PLCH2: variants seen among roughly 807,000 people sequenced by gnomAD.
PLCH2 encodes phospholipase C eta 2.
A neutral mutation model predicts 134.7 loss-of-function variants in PLCH2; 98 were observed. The observed-to-expected ratio is 0.73, with a 90% CI of 0.62 to 0.86. The LOEUF (loss-of-function observed/expected upper bound fraction) is 0.86. Ranked by LOEUF, PLCH2 falls within the 40% of genes least tolerant of loss-of-function variation. The probability of loss-of-function intolerance (pLI) is 0.00; values close to 1 mark genes in which losing one functional copy is unlikely to be tolerated. For synonymous variants in PLCH2, 974 were observed against 827.5 expected (o/e 1.18, Z -3.04); for missense variants, 1,994 against 1,986.6 (o/e 1.00, Z -0.07).
chr1:2,499,685 T>C lies in PLCH2; in HGVS notation c.2626T>C (p.Phe876Leu). 6.3e-7 allele frequency: 1 copy of C among 1,598,964 alleles called. No individual in the cohort carries two copies. Among genetic ancestry groups the C allele is most frequent in the Non-Finnish European group, 8.5e-7 (1 of 1,173,374 alleles). ...AGAAGGGATGGAAGAGGCCTCCATC[T>C]TCGTGCATGTGGCTGTCAGTGACAT... ...YLEGMEEASI[F>L]VHVAVSDISG... The change falls in exon 20 of 22, where the codon TTC becomes CTC. Residue 876 changes from phenylalanine (F) to leucine (L), a missense_variant. Around this residue, in one of 2 missense-constraint regions of PLCH2, gnomAD observed 1,094 missense variants for 1,234.3 expected, o/e 0.89. Transcript: ENST00000378486.
Position 2,476,399 on chromosome 1 carries a change from C to T in PLCH2, c.-190C>T. 1.8e-6 allele frequency: 1 copy of T among 553,362 alleles called. No homozygotes were observed. The highest frequency in any genetic ancestry group is 3.6e-5 in the Admixed American group (1 of 27,774). The allele number at this position is 553,362 out of a possible 1,614,324, so 34.3% of individuals were successfully genotyped here. ...ATCAGGACAGCAGGTGACGGTCAGG[C>T]CAATGCCAGCCGGGCCTGGGCACAG... On this transcript the variant is annotated 5_prime_UTR_variant, in exon 1 of 22. Transcript: ENST00000378486.
upstream of PLCH2, among the ~76,000 whole-genome samples, chr1:2,472,113 T>A (rs988045072): frequency 1.3e-5 from 2 of 152,194 alleles, no homozygotes; most frequent in African/African-American, 4.8e-5. Context: ...ACGACCACTC[T>A]GGGGTCCTGC....
At chr1:2,472,452 G>A (rs768785098), upstream of PLCH2, among the ~76,000 whole-genome samples, 3 of 152,198 alleles carry the variant, frequency 2.0e-5, no homozygotes, top group South Asian at 2.1e-4. Context: ...GCAGGGGGGC[G>A]CGGAAGAGCC....
intron 4 of PLCH2, among the ~76,000 whole-genome samples, chr1:2,482,385 G>A (rs971927408): frequency 1.3e-5 from 2 of 152,222 alleles, no homozygotes; most frequent in African/African-American, 4.8e-5. Flanking sequence ...TTGAGCTGCA[G>A]TGTGTCCCCT....
At chr1:2,465,893 C>T (rs567273573), upstream of PLCH2, among the ~76,000 whole-genome samples, 25 of 152,262 alleles carry the variant, frequency 1.6e-4, no homozygotes, top group African/African-American at 5.1e-4. Flanking sequence ...ACCTGCAGCC[C>T]GCACACCCCT....
rs554360045 is a variant in PLCH2 at position 2,477,318 on chromosome 1, C to A, written c.124+606C>A. ...TCCTAAATCCCTGCAGCCATACCTG[C>A]GTCTTCACCTCCCATGTGCCCCGGA... On this transcript the variant is annotated intron_variant, in intron 1 of 21. Coordinates refer to ENST00000378486, the MANE Select transcript of PLCH2 (RefSeq NM_014638.4). Among the ~76,000 whole-genome samples the A allele has an allele frequency of 4.6e-5, 7 of 152,284 alleles. No homozygotes were observed. The East Asian group carries it at 1.4e-3, about 29-fold the overall frequency.
chr1:2,486,095 C>A (rs1182802768), intron 5 of PLCH2, among the ~76,000 whole-genome samples: 2 of 152,186 alleles, frequency 1.3e-5, no homozygotes, highest in African/African-American at 4.8e-5. Context: ...CTGTGGGTGA[C>A]CTGGCTGCAG....
rs1643413612 is a variant in PLCH2, at chr1:2,504,357, A to G, written c.3395A>G (p.Gln1132Arg). ...GCCACGGGCAGTGACCCGCTGTGGC[A>G]GCGGCTGGAGCCATGTGGCCACCGA... Reference protein sequence around the residue: ...SDATGSDPLWQRLEPCGHRDS... With the variant: ...SDATGSDPLWRRLEPCGHRDS... Residue 1132 changes from glutamine to arginine, a missense_variant, in exon 22 of 22, where the codon CAG becomes CGG. By Grantham distance (43) the Gln-to-Arg change is conservative. This residue lies in a region of PLCH2 where 900 missense variants were observed against 752.3 expected (regional missense o/e 1.20). Transcript: ENST00000378486. The G allele has an allele frequency of 6.2e-7, 1 of 1,609,706 alleles. No individual in the cohort carries two copies. Among genetic ancestry groups the G allele is most frequent in the Non-Finnish European group, 8.5e-7 (1 of 1,179,386 alleles).
intron 21 of PLCH2, chr1:2,503,474 T>C: frequency 1.6e-6 from 1 of 616,218 alleles, no homozygotes; most frequent in East Asian, 2.8e-5. Context: ...GCTTCGCTGC[T>C]TTGGGCTGAA....
chr1:2,504,518 T>A lies in PLCH2; in HGVS notation c.3556T>A (p.Ser1186Thr). ...HMGRLPPRPH[S>T]ASAARPDLPP... is the part of the protein sequence containing the mutation. ...GGGACGCCTGCCCCCCAGGCCCCAC[T>A]CGGCTTCGGCTGCCCGCCCAGACCT... Residue 1186 changes from serine (S) to threonine (T), a missense_variant, in exon 22 of 22, where the codon TCG becomes ACG. By Grantham distance (58) the Ser-to-Thr change is moderately conservative. Around this residue, in one of 2 missense-constraint regions of PLCH2, gnomAD observed 900 missense variants for 752.3 expected, o/e 1.20. Coordinates refer to ENST00000378486, the MANE Select transcript of PLCH2 (RefSeq NM_014638.4). 4 of 1,612,276 alleles carry A rather than the reference T, an allele frequency of 2.5e-6. No homozygotes were observed. Among genetic ancestry groups the A allele is most frequent in the Non-Finnish European group, 3.4e-6 (4 of 1,179,636 alleles).
intron 21 of PLCH2, 95 bp downstream of exon 21, chr1:2,502,504 A>G (rs369295379): frequency 8.1e-7 from 1 of 1,241,086 alleles, no homozygotes; most frequent in Non-Finnish European, 1.2e-6. Flanking sequence ...TGGCCGCCAC[A>G]TGCATGAAGT....
Position 2,476,360 on chromosome 1 carries a change from C to A in PLCH2, c.-229C>A. ...TTGGTGGCCCTGGAGGGTGGATAGG[C>A]TGGCCTGGGGGCCATCAGGACAGCA... On this transcript the variant is annotated 5_prime_UTR_variant, in exon 1 of 22. It adds an upstream start codon to the 5' untranslated region. Transcript: ENST00000378486. 1 of 447,234 alleles carries A rather than the reference C, an allele frequency of 2.2e-6. No individual in the cohort carries two copies. Among genetic ancestry groups the A allele is most frequent in the Non-Finnish European group, 3.9e-6 (1 of 254,974 alleles). The allele number at this position is 447,234 out of a possible 1,614,324, so 27.7% of individuals were successfully genotyped here.
chr1:2,470,688 A>T (rs1641283035), intron 1 of PLCH2, among the ~76,000 whole-genome samples: 1 of 152,146 alleles, frequency 6.6e-6, no homozygotes, highest in Non-Finnish European at 1.5e-5. Flanking sequence ...GGCTGGGGGC[A>T]GGGCTGGCTC....
chr1:2,504,251 G>A lies in PLCH2; in HGVS notation c.3289G>A (p.Glu1097Lys). ...GCCCGTGATTAGAAGGGTGAAGAGT[G>A]AGGGGCAGGTGCCCACGGAGCCCCT... ...HLPVIRRVKS[E>K]GQVPTEPLGG... The change falls in exon 22 of 22, where the codon GAG (glutamate) becomes AAG (lysine). Residue 1097 changes from glutamate (E) to lysine (K), a missense_variant. By Grantham distance (56) the Glu-to-Lys change is moderately conservative. Transcript: ENST00000378486. 6.3e-7 allele frequency: 1 copy of A among 1,589,214 alleles called. No homozygotes were observed. Among genetic ancestry groups the A allele is most frequent in the South Asian group, 1.1e-5 (1 of 88,456 alleles).
chr1:2,416,752 A>G, the PLCH2 span, among the ~76,000 whole-genome samples: 3 of 152,212 alleles, frequency 2.0e-5, no homozygotes, highest in Non-Finnish European at 4.4e-5. Flanking sequence ...AGGTTAGGAC[A>G]GGGGTGCAGA....
At chr1:2,419,489 G>A in the PLCH2 span, among the ~76,000 whole-genome samples, 4 of 152,134 alleles carry the variant, frequency 2.6e-5, no homozygotes, top group African/African-American at 9.7e-5. Flanking sequence ...TGGTCGGGGG[G>A]GTTTTCCACT....
At chr1:2,483,984 TGGGGGG>T (rs1249619650) in intron 4 of PLCH2, among the ~76,000 whole-genome samples, 1 of 63,764 alleles carries the variant, frequency 1.6e-5, no homozygotes, top group African/African-American at 7.3e-5. Flanking sequence ...GACTCCCGTG[TGGGGGG>T]GCGCTGACTC....
rs1391173468 is a variant in PLCH2 at position 2,497,617 on chromosome 1, ACTCGGACACTCAGGG to A, written c.2224+16_2224+30del. 4 of 1,535,306 alleles carry A rather than the reference ACTCGGACACTCAGGG, an allele frequency of 2.6e-6. No individual in the cohort carries two copies. Among genetic ancestry groups the A allele is most frequent in the African/African-American group, 1.4e-5 (1 of 72,778 alleles). ...CTGGGTGCATGTGCCAGGGTGAGGCACTCGGACACTCAGGGCTCGGACGCTCAGGGCTCGGATGGG... is the reference window on the plus strand; with the variant it reads ...CTGGGTGCATGTGCCAGGGTGAGGCACTCGGACGCTCAGGGCTCGGATGGG... On this transcript the variant is annotated intron_variant, in intron 16 of 21. Coordinates refer to ENST00000378486, the MANE Select transcript of PLCH2 (RefSeq NM_014638.4).
chr1:2,432,243 C>G (rs1371024853), intron 2 of PLCH2, among the ~76,000 whole-genome samples: 6 of 152,224 alleles, frequency 3.9e-5, no homozygotes. Flanking sequence ...CACCCTCAGC[C>G]CTGAAGCGGT....
Sources: gnomAD v4.1 joint callset for allele counts (sites outside exome capture counted in the v4.1 genomes callset) on GRCh38, gnomAD v4.1.1 for gene constraint, gnomAD v4.1.1 regional missense constraint, MANE v1.5 for transcripts, NCBI Gene and HGNC (gene_info 2026-07-23, HGNC 2026-07-21) for gene names.